Variants in MYO7B observed in about 807,000 individuals in gnomAD.
MYO7B encodes myosin VIIB.
In MYO7B, 212 loss-of-function variants were observed where a neutral mutation model predicts 259.7. The ratio of observed to expected loss-of-function variants is 0.82; its 90% confidence interval spans 0.73 to 0.91. MYO7B has a LOEUF of 0.91. MYO7B is among the 40% of genes least tolerant of loss of function. The pLI is 0.00. For synonymous variants in MYO7B, 1,197 were observed against 1,166.4 expected, an observed-to-expected ratio of 1.03 and a Z score of -0.54; for missense variants, 2,732 against 2,813.5, an observed-to-expected ratio of 0.97 and a Z score of 0.66.
At chr2:127,617,855 GTTTT>G (rs34544960) in intron 26 of MYO7B, among the ~76,000 whole-genome samples, 5 of 139,942 alleles carry the variant, frequency 3.6e-5, no homozygotes, top group Non-Finnish European at 7.6e-5. Flanking sequence ...CTGGGCTTTA[GTTTT>G]TTTTTTTTTT....
rs1267383701 is a variant in MYO7B, at chr2:127,631,316, T to C, written c.5048T>C (p.Val1683Ala). ...EPLRQPLLKR[V>A]HANVDLWDIA... ...CTGCGACAGCCGCTGCTCAAGCGAG[T>C]CCACGCCAACGTCGACCTCTGGGAC... is the stretch of plus-strand genomic sequence containing the variant. Residue 1683 changes from valine to alanine, a missense_variant, in exon 37 of 48, where the codon GTC becomes GCC. Around this residue, in one of 3 missense-constraint regions of MYO7B, gnomAD observed 821 missense variants for 769.3 expected, o/e 1.07. Coordinates refer to ENST00000409816, the MANE Select transcript of MYO7B (RefSeq NM_001393586.1). 3 of 1,611,966 alleles carry C rather than the reference T, an allele frequency of 1.9e-6. No homozygotes were observed. Among genetic ancestry groups the C allele is most frequent in the Non-Finnish European group, 1.7e-6 (2 of 1,179,144 alleles).
Position 127,620,404 on chromosome 2 carries a change from C to T in MYO7B, c.3463C>T (p.Arg1155Trp), listed in dbSNP as rs758719218. 14 of 1,450,590 alleles carry T rather than the reference C, an allele frequency of 9.7e-6. No homozygotes were observed. Among genetic ancestry groups the T allele is most frequent in the East Asian group, 3.3e-5 (1 of 29,900 alleles). The allele number at this position is 1,450,590 out of a possible 1,614,324, so 89.9% of individuals were successfully genotyped here. A position where few individuals can be genotyped will look rare whatever the true frequency, so the allele number is the denominator to read the frequency against. ...SENFKTSSLA[R>W]GWILLSLCLG... Reference sequence around the variant, plus strand: ...GAACTTCAAAACAAGCAGCCTGGCCCGGGGCTGGATCCTGCTCAGCCTCTG... The same window carrying T: ...GAACTTCAAAACAAGCAGCCTGGCCTGGGGCTGGATCCTGCTCAGCCTCTG... Residue 1155 changes from arginine (R) to tryptophan (W), a missense_variant, in exon 27 of 48, where the codon CGG becomes TGG. Coordinates refer to ENST00000409816, the MANE Select transcript of MYO7B (RefSeq NM_001393586.1).
At chr2:127,632,562 G>A (rs1681581838) in intron 39 of MYO7B, among the ~76,000 whole-genome samples, 161 bp downstream of exon 39, 1 of 152,236 alleles carries the variant, frequency 6.6e-6, no homozygotes, top group Non-Finnish European at 1.5e-5. Flanking sequence ...TGCCAGAGAA[G>A]AGGGTGGAGG....
chr2:127,620,424 C>T lies in MYO7B; in HGVS notation c.3483C>T (p.Ser1161=), dbSNP rs551139341. 7.7e-5 allele frequency: 124 copies of T among 1,610,242 alleles called. 2 individuals are homozygous for T. In the South Asian group the frequency reaches 1.3e-3, roughly 16 times the overall value. The change falls in exon 27 of 48, where the codon AGC becomes AGT. Residue 1161 remains serine, a synonymous_variant. Coordinates refer to ENST00000409816, the MANE Select transcript of MYO7B (RefSeq NM_001393586.1). ...TGGCCCGGGGCTGGATCCTGCTCAG[C>T]CTCTGCCTCGGCTGCTTCCCACCCT... ...SSLARGWILL[S]LCLGCFPPSE... is the part of the protein sequence containing the mutation.
chr2:127,564,297 G>A, intron 3 of MYO7B, 31 bp downstream of exon 3: 4 of 1,507,238 alleles, frequency 2.7e-6, no homozygotes, highest in Non-Finnish European at 3.6e-6. Flanking sequence ...TCTGGGCCCT[G>A]CCCTGCCCTC....
chr2:127,614,130 G>T lies in MYO7B; in HGVS notation c.3398+1527G>T, dbSNP rs995424037. 1.3e-5 allele frequency among the ~76,000 whole-genome samples: 2 copies of T among 152,038 alleles called. No individual in the cohort carries two copies. Among genetic ancestry groups the T allele is most frequent in the African/African-American group, 4.8e-5 (2 of 41,410 alleles). ...CCACCACACCACACCCTCCAATATG[G>T]CAGACACATAAAAGCTATATTCGAA... On this transcript the variant is annotated intron_variant, in intron 26 of 47. Transcript: ENST00000409816. This position sits in a 1 kb window ranked among gnomAD's most constrained non-coding sequence, Gnocchi z 4.6.
Position 127,623,395 on chromosome 2 carries a change from C to T in MYO7B, c.3819+20C>T. On this transcript the variant is annotated intron_variant, in intron 29 of 47. Transcript: ENST00000409816. ...GACAAGGTACCAGCCAGGCACCCTG[C>T]CCGTCAGCCGCCTCCCTCATACACC... 1 of 1,542,092 alleles carries T rather than the reference C, an allele frequency of 6.5e-7. No homozygotes were observed. The highest frequency in any genetic ancestry group is 1.4e-5 in the African/African-American group (1 of 73,252).
At chr2:127,574,585 C>T (rs949460681) in intron 7 of MYO7B, among the ~76,000 whole-genome samples, 1 of 152,196 alleles carries the variant, frequency 6.6e-6, no homozygotes, top group African/African-American at 2.4e-5. Flanking sequence ...ACATACATTT[C>T]TTCTTTCTTT....
intron 19 of MYO7B, among the ~76,000 whole-genome samples, chr2:127,605,194 A>G (rs1234886443): frequency 6.6e-6 from 1 of 152,240 alleles, no homozygotes; most frequent in East Asian, 1.9e-4. Context: ...GCCCTGGGCT[A>G]GTGGCCAGAG....
intron 24 of MYO7B, among the ~76,000 whole-genome samples, chr2:127,610,235 T>C (rs890522036): frequency 6.6e-6 from 1 of 152,180 alleles, no homozygotes; most frequent in African/African-American, 2.4e-5. Flanking sequence ...TTTTGAATTA[T>C]ACAGTCATTA....
intron 18 of MYO7B, among the ~76,000 whole-genome samples, chr2:127,595,208 T>C (rs968497038): frequency 6.6e-6 from 1 of 152,226 alleles, no homozygotes; most frequent in Non-Finnish European, 1.5e-5. Flanking sequence ...AGGGTGTATG[T>C]GTCCAGGAAT....
intron 1 of MYO7B, among the ~76,000 whole-genome samples, chr2:127,549,533 C>A (rs1176918389): frequency 2.6e-5 from 4 of 152,172 alleles, no homozygotes; most frequent in African/African-American, 9.7e-5. Context: ...TCCTAGGGAT[C>A]ATTTGGCTGT....
intron 9 of MYO7B, among the ~76,000 whole-genome samples, chr2:127,580,169 GA>G (rs1679043428): frequency 6.6e-6 from 1 of 151,932 alleles, no homozygotes; most frequent in East Asian, 1.9e-4. Context: ...GTTTAAAAAA[GA>G]AAAAAAGCAA....
rs1302003705 is a variant in MYO7B, at chr2:127,632,135, C to T, written c.5250-111C>T. 5.6e-5 allele frequency: 72 copies of T among 1,291,584 alleles called. 1 individual carries two copies. In the East Asian group the frequency reaches 1.6e-3, roughly 29 times the overall value. 80.0% of individuals were successfully genotyped at this position (1,291,584 alleles called of 1,614,324 possible). A position where few individuals can be genotyped will look rare whatever the true frequency, so the allele number is the denominator to read the frequency against. ...GCAGCCTGGCAGGTGCCCTCCCCCT[C>T]GGGCCCTCTAGACCCCAGGCAGCTC... On this transcript the variant is annotated intron_variant, in intron 38 of 47. Transcript: ENST00000409816.
chr2:127,633,893 T>TTAA (rs1056183639), intron 40 of MYO7B, among the ~76,000 whole-genome samples: 11 of 152,150 alleles, frequency 7.2e-5, no homozygotes, highest in African/African-American at 4.8e-5. Context: ...TTTTTGGCCT[T>TTAA]GATATTCGGG....
rs1680490198 is a variant in MYO7B at position 127,614,230 on chromosome 2, G to A, written c.3398+1627G>A. ...AGTGCTGGTGTCCAGCAGTGATACTGTCCAACACTGATCCCTTGAGACTTC... is the reference window on the plus strand; with the variant it reads ...AGTGCTGGTGTCCAGCAGTGATACTATCCAACACTGATCCCTTGAGACTTC... On this transcript the variant is annotated intron_variant, in intron 26 of 47. Transcript: ENST00000409816. The surrounding 1 kb of genome is among the most constrained non-coding windows in gnomAD (Gnocchi z 4.6). Among the ~76,000 whole-genome samples the A allele has an allele frequency of 6.6e-6, 1 of 152,152 alleles. No homozygotes were observed. The highest frequency in any genetic ancestry group is 2.1e-4 in the South Asian group (1 of 4,824).
intron 1 of MYO7B, among the ~76,000 whole-genome samples, chr2:127,551,300 T>C (rs576012995): frequency 5.9e-5 from 9 of 152,242 alleles, no homozygotes; most frequent in Non-Finnish European, 1.2e-4. Context: ...GTCGTCACAA[T>C]GTTGGCTGAG....
chr2:127,604,608 C>G (rs1680094638), intron 19 of MYO7B, among the ~76,000 whole-genome samples: 1 of 152,210 alleles, frequency 6.6e-6, no homozygotes. Context: ...GACGGGCCTT[C>G]CTCACGAAGC....
chr2:127,558,654 T>G (rs925088980), intron 1 of MYO7B, among the ~76,000 whole-genome samples: 7 of 152,150 alleles, frequency 4.6e-5, no homozygotes, highest in African/African-American at 7.2e-5. Flanking sequence ...ATCATATATA[T>G]AGAGATATAG....
Sources: gnomAD v4.1 joint callset for allele counts (sites outside exome capture counted in the v4.1 genomes callset) on GRCh38, gnomAD v4.1.1 for gene constraint, gnomAD v4.1.1 regional missense constraint, Gnocchi (gnomAD v3.1) non-coding constraint, MANE v1.5 for transcripts, NCBI Gene and HGNC (gene_info 2026-07-23, HGNC 2026-07-21) for gene names.